FRMPD3: variants seen among roughly 807,000 people sequenced by gnomAD.
FRMPD3 encodes the protein FERM and PDZ domain-containing protein 3.
Under a neutral mutation model 97.9 loss-of-function variants are expected in FRMPD3, and 42 were observed. The ratio of observed to expected loss-of-function variants is 0.43; its 90% CI spans 0.34 to 0.55. The LOEUF (loss-of-function observed/expected upper bound fraction) is 0.55. Ranked by LOEUF, FRMPD3 falls within the 20% of genes least tolerant of loss-of-function variation. FRMPD3 has a pLI of 0.03. For synonymous variants in FRMPD3, 577 were observed against 581.1 expected, an observed-to-expected ratio of 0.99 and a Z score of 0.10; for missense variants, 1,303 against 1,457.7, an observed-to-expected ratio of 0.89 and a Z score of 1.73.
intron 1 of FRMPD3, among the ~76,000 whole-genome samples, chrX:107,473,890 C>T (rs957233287): frequency 4.5e-5 from 5 of 111,931 alleles, no homozygotes. Context: ...TCGAGACCAG[C>T]CTGGCCAACT....
Position 107,603,519 on chromosome X carries a change from CTT to C in FRMPD3, c.*147_*148del, listed in dbSNP as rs1924664081. On this transcript the variant is annotated 3_prime_UTR_variant, in exon 15 of 15. Transcript: ENST00000683843. The stretch of plus-strand genomic sequence containing the variant: ...TCAGTCTCCGGGGAGTGGAAACTCT[CTT>C]GATTGAGGCTCTCTCTTAAGGGCTG... 27 of 1,056,197 alleles carry C rather than the reference CTT, an allele frequency of 2.6e-5. 1 individual carries two copies. In the Middle Eastern group the frequency reaches 7.7e-4, roughly 30 times the overall value. The allele number at this position is 1,056,197 out of a possible 1,213,427, so 87.0% of individuals were successfully genotyped here.
intron 1 of FRMPD3, among the ~76,000 whole-genome samples, chrX:107,455,576 T>C (rs1931362137): frequency 9.0e-6 from 1 of 110,516 alleles, no homozygotes; most frequent in Non-Finnish European, 1.9e-5. Flanking sequence ...AATAAATAAA[T>C]AAATAAAAAT....
At chrX:107,502,684 C>T (rs1602762972) in intron 1 of FRMPD3, among the ~76,000 whole-genome samples, 1 of 111,991 alleles carries the variant, frequency 8.9e-6, no homozygotes, top group African/African-American at 3.2e-5. Context: ...AAAGGATCCC[C>T]ACCAAAAAAA....
Position 107,600,522 on chromosome X carries a change from C to T in FRMPD3, c.2483C>T (p.Thr828Met), listed in dbSNP as rs1217763698. ...IQSCAAQAVL[T>M]APYSLGRPDP... is the part of the protein sequence containing the mutation. ...AGCTGTGCAGCCCAGGCCGTTCTTA[C>T]GGCCCCTTACTCTCTTGGGCGCCCG... The change falls in exon 15 of 15, where the codon ACG becomes ATG. Residue 828 changes from threonine (T) to methionine (M), a missense_variant. By Grantham distance (81) the Thr-to-Met change is moderately conservative. Coordinates refer to ENST00000683843, the MANE Select transcript of FRMPD3 (RefSeq NM_001388459.1). The T allele has an allele frequency of 9.1e-6, 11 of 1,210,891 alleles. No individual in the cohort carries two copies. The highest frequency in any genetic ancestry group is 3.0e-5 in the East Asian group (1 of 33,834).
intron 4 of FRMPD3, among the ~76,000 whole-genome samples, chrX:107,539,579 C>T (rs1921195992): frequency 9.0e-6 from 1 of 110,542 alleles, no homozygotes; most frequent in African/African-American, 3.3e-5. Context: ...CTTGGAGCCA[C>T]CTGCCCAGAA....
intron 4 of FRMPD3, among the ~76,000 whole-genome samples, chrX:107,535,177 C>T (rs749430149): frequency 2.7e-5 from 3 of 112,669 alleles, no homozygotes; most frequent in African/African-American, 9.7e-5. Context: ...CTTGCAGAAG[C>T]CTTCCTTGAG....
At chrX:107,572,908 C>CTACTACTACTACTACTACTACTAA (rs796610991) in intron 12 of FRMPD3, among the ~76,000 whole-genome samples, 1 of 101,001 alleles carries the variant, frequency 9.9e-6, no homozygotes, top group Admixed American at 1.1e-4. Flanking sequence ...ACTACTACTA[C>CTACTACTACTACTACTACTACTAA]TAATAATAAT....
chrX:107,566,760 G>A (rs755578326), intron 12 of FRMPD3, among the ~76,000 whole-genome samples: 9 of 112,800 alleles, frequency 8.0e-5, no homozygotes, highest in Non-Finnish European at 1.5e-4. Flanking sequence ...AGTTTCCTAG[G>A]TGACTGTGTA....
At chrX:107,553,149 A>G (rs1312056644) in intron 7 of FRMPD3, among the ~76,000 whole-genome samples, 1 of 110,220 alleles carries the variant, frequency 9.1e-6, no homozygotes, top group Admixed American at 9.6e-5. Context: ...TAGGGGGAAG[A>G]GTATGGGGTG....
At chrX:107,531,009 G>A (rs981554110) in intron 3 of FRMPD3, among the ~76,000 whole-genome samples, 3 of 110,193 alleles carry the variant, frequency 2.7e-5, no homozygotes, top group African/African-American at 9.9e-5. Context: ...AATGCCCTCC[G>A]CAGATGGGAG....
Position 107,601,719 on chromosome X carries a change from G to C in FRMPD3, c.3680G>C (p.Arg1227Pro), listed in dbSNP as rs778726589. Reference protein sequence around the residue: ...RNLFSATFPTRQKKETDERQA... With the variant: ...RNLFSATFPTPQKKETDERQA... Reference sequence around the variant, plus strand: ...TTATTCTCTGCCACCTTCCCAACCCGCCAGAAGAAGGAGACAGATGAGCGG... The same window carrying C: ...TTATTCTCTGCCACCTTCCCAACCCCCCAGAAGAAGGAGACAGATGAGCGG... The change falls in exon 15 of 15, where the codon CGC becomes CCC. Residue 1227 changes from arginine to proline, a missense_variant. Arg to Pro is a moderately radical substitution (Grantham distance 103). This residue lies in a region of FRMPD3 where 764 missense variants were observed against 820.2 expected (regional missense o/e 0.93). Coordinates refer to ENST00000683843, the MANE Select transcript of FRMPD3 (RefSeq NM_001388459.1). The C allele has an allele frequency of 1.7e-6, 2 of 1,211,113 alleles. No individual in the cohort carries two copies. Among genetic ancestry groups the C allele is most frequent in the Non-Finnish European group, 2.2e-6 (2 of 895,454 alleles).
In FRMPD3 at chrX:107,602,588, T is replaced by C; in HGVS notation, c.4549T>C (p.Ser1517Pro). The change falls in exon 15 of 15, where the codon TCC becomes CCC. Residue 1517 changes from serine to proline, a missense_variant. This residue lies in a region of FRMPD3 where 764 missense variants were observed against 820.2 expected (regional missense o/e 0.93). Coordinates refer to ENST00000683843, the MANE Select transcript of FRMPD3 (RefSeq NM_001388459.1). ...DDASDGKDEL[S>P]YSIPMKILPG... ...TGCCAGTGATGGCAAGGATGAGCTC[T>C]CCTACTCTATCCCCATGAAGATCCT... 2 of 1,211,422 alleles carry C rather than the reference T, an allele frequency of 1.7e-6. No individual in the cohort carries two copies. The highest frequency in any genetic ancestry group is 2.2e-6 in the Non-Finnish European group (2 of 895,431).
intron 1 of FRMPD3, among the ~76,000 whole-genome samples, chrX:107,514,419 C>T (rs763025372): frequency 1.8e-5 from 2 of 111,553 alleles, no homozygotes; most frequent in East Asian, 5.6e-4. Flanking sequence ...AAGGAGGCTG[C>T]TGCAGCAACT....
In FRMPD3 at chrX:107,569,143, A is replaced by T. The variant is rs928864822; in HGVS notation, c.1296+4077A>T. 4.5e-5 allele frequency among the ~76,000 whole-genome samples: 5 copies of T among 110,458 alleles called. No individual in the cohort carries two copies. In the East Asian group the frequency reaches 1.4e-3, roughly 32 times the overall value. ...AACCCTGTCTCTACTAAAAATACAA[A>T]AATTAGCCACGCATCGTGGCGCACA... On this transcript the variant is annotated intron_variant, in intron 12 of 14. Transcript: ENST00000683843.
intron 4 of FRMPD3, among the ~76,000 whole-genome samples, chrX:107,541,412 G>A (rs1921295986): frequency 8.9e-6 from 1 of 112,586 alleles, no homozygotes; most frequent in Admixed American, 9.4e-5. Flanking sequence ...CAGCATCAAG[G>A]CTGAAGACTG....
rs183198624 is a variant in FRMPD3 at position 107,602,107 on chromosome X, C to T, written c.4068C>T (p.Ser1356=). ...ATGTCCAGCGCATTCGTTCTACCAG[C>T]CTGGAGTCCCGAGAGTGCCGATCGG... ...PINVQRIRST[S]LESRECRSDP... Residue 1356 remains serine, a synonymous_variant, in exon 15 of 15, where the codon AGC becomes AGT. Transcript: ENST00000683843. 17 of 1,207,996 alleles carry T rather than the reference C, an allele frequency of 1.4e-5. No homozygotes were observed. In the African/African-American group the frequency reaches 2.4e-4, roughly 17 times the overall value.
chrX:107,588,359 A>G (rs1014012556), intron 13 of FRMPD3, among the ~76,000 whole-genome samples: 7 of 109,349 alleles, frequency 6.4e-5, no homozygotes, highest in African/African-American at 2.3e-4. Flanking sequence ...GGTTCAAGTG[A>G]TTTTCCTGCC....
rs1323037811 is a variant in FRMPD3, at chrX:107,601,591, C to T, written c.3552C>T (p.Thr1184=). The change falls in exon 15 of 15, where the codon ACC becomes ACT. Residue 1184 remains threonine, a synonymous_variant. Coordinates refer to ENST00000683843, the MANE Select transcript of FRMPD3 (RefSeq NM_001388459.1). The part of the protein sequence containing the change: ...RSQAASRQVS[T]MPSRKLETTL... ...AGGCTGCCAGCCGGCAGGTGAGCACCATGCCCTCTAGGAAGCTTGAAACAA... is the reference window on the plus strand; with the variant it reads ...AGGCTGCCAGCCGGCAGGTGAGCACTATGCCCTCTAGGAAGCTTGAAACAA... 2 of 1,208,065 alleles carry T rather than the reference C, an allele frequency of 1.7e-6. No individual in the cohort carries two copies. The highest frequency in any genetic ancestry group is 3.5e-5 in the African/African-American group (2 of 57,729).
chrX:107,565,005 T>A lies in FRMPD3; in HGVS notation c.1235T>A (p.Ile412Asn). ...TCCGAGTTCAGCAAGATCAGCAAGA[T>A]CCAGCTGTTCCGGGAGAACCAGGGC... is the stretch of plus-strand genomic sequence containing the variant. ...VLSEFSKISK[I>N]QLFRENQGVA... Residue 412 changes from isoleucine (I) to asparagine (N), a missense_variant, in exon 12 of 15, where the codon ATC becomes AAC. Coordinates refer to ENST00000683843, the MANE Select transcript of FRMPD3 (RefSeq NM_001388459.1). 8.3e-7 allele frequency: 1 copy of A among 1,206,865 alleles called. No homozygotes were observed. The highest frequency in any genetic ancestry group is 1.1e-6 in the Non-Finnish European group (1 of 893,440).
Sources: allele counts gnomAD v4.1 joint callset (sites outside exome capture counted in the v4.1 genomes callset), GRCh38; gene constraint gnomAD v4.1.1; regional missense constraint gnomAD v4.1.1; transcripts MANE v1.5; gene names NCBI Gene and HGNC (gene_info 2026-07-23, HGNC 2026-07-21).